Variants in LAYN observed in about 807,000 individuals in gnomAD.
The protein encoded by LAYN is layilin.
Under a neutral mutation model 43.6 loss-of-function variants are expected in LAYN, and 38 were observed. The observed-to-expected ratio is 0.87, with a 90% confidence interval of 0.67 to 1.14. The LOEUF is 1.14. Ranked by LOEUF, LAYN falls within the 50% of genes most tolerant of loss-of-function variation. LAYN has a pLI of 0.00. For missense variants in LAYN, 479 were observed against 463.8 expected, an observed-to-expected ratio of 1.03 and a Z score of -0.30; for synonymous variants, 168 against 172.9, an observed-to-expected ratio of 0.97 and a Z score of 0.22.
intron 6 of LAYN, 79 bp downstream of exon 6, chr11:111,557,722 T>A: frequency 8.6e-7 from 1 of 1,161,386 alleles, no homozygotes; most frequent in Non-Finnish European, 1.3e-6. Flanking sequence ...TTTACTTCAT[T>A]AAAACCCACG....
At chr11:111,541,054 G>A in intron 1 of LAYN, 126 bp downstream of exon 1, 2 of 850,636 alleles carry the variant, frequency 2.4e-6, no homozygotes, top group Non-Finnish European at 3.6e-6. Context: ...ACTCCCAGAC[G>A]CAGCCCTTCG....
chr11:111,541,509 C>G, intron 1 of LAYN: 1 of 1,521,204 alleles, frequency 6.6e-7, no homozygotes, highest in African/African-American at 1.4e-5. Flanking sequence ...ACGAGCCCCA[C>G]CTGACTCCGG....
At chr11:111,552,662 C>T (rs1372509926) in intron 3 of LAYN, among the ~76,000 whole-genome samples, 1 of 152,118 alleles carries the variant, frequency 6.6e-6, no homozygotes, top group African/African-American at 2.4e-5. Flanking sequence ...AATGATGTGC[C>T]GTTTTTAACT....
At chr11:111,558,785 T>A (rs12146537) in intron 6 of LAYN, among the ~76,000 whole-genome samples, 56,155 of 100,620 alleles carry the variant, frequency 0.56, 11,557 homozygotes, top group East Asian at 0.7. Context: ...TTTAAAAAAA[T>A]ATATATATAT....
chr11:111,555,064 A>G (rs913787030), intron 4 of LAYN, 143 bp from the exon 5 acceptor site: 19 of 626,648 alleles, frequency 3.0e-5, no homozygotes, highest in African/African-American at 1.3e-4. Flanking sequence ...AGCAAATTCA[A>G]CCCTTTACTT....
rs745324449 is a variant in LAYN at position 111,557,643 on chromosome 11, G to C, written c.761G>C (p.Arg254Thr). The C allele has an allele frequency of 6.2e-7, 1 of 1,608,904 alleles. No individual in the cohort carries two copies. Among genetic ancestry groups the C allele is most frequent in the East Asian group, 2.2e-5 (1 of 44,856 alleles). The change falls in exon 6 of 7, where the codon AGA (arginine) becomes ACA (threonine). Residue 254 changes from arginine (R) to threonine (T), a missense_variant and splice_region_variant. Coordinates refer to ENST00000375614, the MANE Select transcript of LAYN (RefSeq NM_178834.5). ...TGTTGGGTTTGGATCTGTAGAAAAA[G>C]GCAAGTAAAACCTTCATTGTGTAAA... The part of the protein sequence containing the change: ...VVCWVWICRK[R>T]KREQPDPSTK...
intron 3 of LAYN, among the ~76,000 whole-genome samples, chr11:111,552,467 G>A (rs1867760922): frequency 6.6e-6 from 1 of 152,182 alleles, no homozygotes; most frequent in Non-Finnish European, 1.5e-5. Flanking sequence ...GCAAGGAACT[G>A]GGTGAATGAT....
At chr11:111,550,229 C>A (rs1867720068) in intron 3 of LAYN, among the ~76,000 whole-genome samples, 1 of 152,222 alleles carries the variant, frequency 6.6e-6, no homozygotes. Flanking sequence ...ATAAAGTACA[C>A]CAACTGCACT....
At chr11:111,541,525 G>A (rs1161060418) in intron 1 of LAYN, 2 of 1,534,856 alleles carry the variant, frequency 1.3e-6, no homozygotes, top group Non-Finnish European at 1.7e-6. Context: ...TCCGGGGAAT[G>A]ACTCTCTGCT....
At chr11:111,548,346 T>C (rs1430990013) in intron 2 of LAYN, among the ~76,000 whole-genome samples, 1 of 152,190 alleles carries the variant, frequency 6.6e-6, no homozygotes, top group Non-Finnish European at 1.5e-5. Flanking sequence ...ATCAGTGAGT[T>C]CTGGGTCTGA....
rs1314019906 is a variant in LAYN at position 111,540,938 on chromosome 11, C to T, written c.85+10C>T. ...GGTCGCCTGCTGAGTGGTGAGTGCG[C>T]GCGCTGGGGCGGGGGCTGGTGCCGG... On this transcript the variant is annotated intron_variant, in intron 1 of 6. Coordinates refer to ENST00000375614, the MANE Select transcript of LAYN (RefSeq NM_178834.5). The T allele has an allele frequency of 6.5e-7, 1 of 1,529,574 alleles. No homozygotes were observed. The highest frequency in any genetic ancestry group is 8.7e-7 in the Non-Finnish European group (1 of 1,144,048). The allele number at this position is 1,529,574 out of a possible 1,614,324, so 94.8% of individuals were successfully genotyped here. A position where few individuals can be genotyped will look rare whatever the true frequency, so the allele number is the denominator to read the frequency against.
intron 3 of LAYN, among the ~76,000 whole-genome samples, chr11:111,553,719 C>CACACACAA (rs1555017987): frequency 7.2e-6 from 1 of 138,374 alleles, no homozygotes; most frequent in Non-Finnish European, 1.7e-5. Context: ...CACCTATACA[C>CACACACAA]ACACACACAC....
chr11:111,544,006 G>C lies in LAYN; in HGVS notation c.169G>C (p.Glu57Gln), dbSNP rs766557678. Residue 57 changes from glutamate to glutamine, a missense_variant, in exon 2 of 7, where the codon GAG (glutamate) becomes CAG (glutamine). By Grantham distance (29) the Glu-to-Gln change is conservative (BLOSUM62 2). Transcript: ENST00000375614. Reference sequence around the variant, plus strand: ...TGATACTTCTCGAAGACTGAACTTTGAGGAAGCCAAAGAAGCCTGCAGGAG... The same window carrying C: ...TGATACTTCTCGAAGACTGAACTTTCAGGAAGCCAAAGAAGCCTGCAGGAG... ...FHDTSRRLNF[E>Q]EAKEACRRDG... The C allele has an allele frequency of 6.2e-7, 1 of 1,614,214 alleles. No homozygotes were observed. Among genetic ancestry groups the C allele is most frequent in the Non-Finnish European group, 8.5e-7 (1 of 1,180,038 alleles).
intron 2 of LAYN, among the ~76,000 whole-genome samples, chr11:111,545,269 C>G (rs1867630782): frequency 6.6e-6 from 1 of 152,056 alleles, no homozygotes; most frequent in South Asian, 2.1e-4. Flanking sequence ...CAGCTGGTCC[C>G]AAGGCCACAG....
In LAYN at chr11:111,540,869, C is replaced by A. The variant is rs1045719511; in HGVS notation, c.26C>A (p.Ala9Asp). MRPGTALQ[A>D]VLLAVLLVGL... ...ATGAGGCCGGGAACCGCGCTACAGG[C>A]CGTGCTGCTGGCCGTGCTGCTGGTG... The change falls in exon 1 of 7, where the codon GCC becomes GAC. Residue 9 changes from alanine to aspartate, a missense_variant. Ala to Asp is a moderately radical substitution (Grantham distance 126). Coordinates refer to ENST00000375614, the MANE Select transcript of LAYN (RefSeq NM_178834.5). 1.3e-5 allele frequency: 20 copies of A among 1,531,934 alleles called. No individual in the cohort carries two copies. In the African/African-American group the frequency reaches 2.6e-4, roughly 20 times the overall value. The allele number at this position is 1,531,934 out of a possible 1,614,324, so 94.9% of individuals were successfully genotyped here. A position where few individuals can be genotyped will look rare whatever the true frequency, so the allele number is the denominator to read the frequency against.
At chr11:111,552,315 A>G (rs1174159480) in intron 3 of LAYN, among the ~76,000 whole-genome samples, 1 of 152,212 alleles carries the variant, frequency 6.6e-6, no homozygotes, top group Non-Finnish European at 1.5e-5. Context: ...CAGTACTTTA[A>G]CTACCTATTT....
chr11:111,540,729 G>A lies in LAYN; in HGVS notation c.-115G>A. On this transcript the variant is annotated 5_prime_UTR_variant, in exon 1 of 7. Coordinates refer to ENST00000375614, the MANE Select transcript of LAYN (RefSeq NM_178834.5). ...CTCCCCCCCGCCTCCCGTGCGGTCC[G>A]TCGGTGGCCTAGAGATGCTGCTGCC... 2 of 1,050,884 alleles carry A rather than the reference G, an allele frequency of 1.9e-6. No individual in the cohort carries two copies. Among genetic ancestry groups the A allele is most frequent in the African/African-American group, 3.4e-5 (2 of 59,538 alleles). The allele number at this position is 1,050,884 out of a possible 1,614,324, so 65.1% of individuals were successfully genotyped here. A position where few individuals can be genotyped will look rare whatever the true frequency, so the allele number is the denominator to read the frequency against.
At chr11:111,547,511 A>C (rs948756823) in intron 2 of LAYN, among the ~76,000 whole-genome samples, 7 of 152,228 alleles carry the variant, frequency 4.6e-5, no homozygotes. Flanking sequence ...ACTGTTGTCC[A>C]TCCCAACAAA....
intron 6 of LAYN, 22 bp downstream of exon 6, chr11:111,557,665 T>C (rs746967011): frequency 1.3e-6 from 2 of 1,557,950 alleles, no homozygotes; most frequent in East Asian, 4.5e-5. Flanking sequence ...CTTCATTGTG[T>C]AAACCTTTGC....
Sources: allele counts gnomAD v4.1 joint callset (sites outside exome capture counted in the v4.1 genomes callset), GRCh38; gene constraint gnomAD v4.1.1; transcripts MANE v1.5; gene names NCBI Gene and HGNC (gene_info 2026-07-23, HGNC 2026-07-21).